ADGB: variants seen among roughly 807,000 people sequenced by gnomAD.
The protein encoded by ADGB is calpain-7-like protein.
In ADGB, 172 loss-of-function variants were observed where a neutral mutation model predicts 210.5. The ratio of observed to expected loss-of-function variants is 0.82; its 90% confidence interval spans 0.72 to 0.93. The LOEUF (loss-of-function observed/expected upper bound fraction) is 0.93, where lower values mean the gene tolerates loss of function less well. ADGB is among the 40% of genes least tolerant of loss of function. The pLI is 0.00. For missense variants in ADGB, 2,025 were observed against 1,964.8 expected, an observed-to-expected ratio of 1.03 and a Z score of -0.58; for synonymous variants, 658 against 662.7, an observed-to-expected ratio of 0.99 and a Z score of 0.11.
intron 16 of ADGB, among the ~76,000 whole-genome samples, chr6:146,718,530 G>A (rs1183721110): frequency 6.6e-6 from 1 of 152,042 alleles, no homozygotes; most frequent in Non-Finnish European, 1.5e-5. Context: ...GAACATTCCT[G>A]CCATGAGGTA....
chr6:146,779,106 G>T (rs191523913), intron 29 of ADGB, among the ~76,000 whole-genome samples: 25 of 150,294 alleles, frequency 1.7e-4, no homozygotes, highest in African/African-American at 5.6e-4. Context: ...ACATACTGGC[G>T]GATGCCAGAA....
intron 12 of ADGB, among the ~76,000 whole-genome samples, chr6:146,694,770 A>C (rs942498527): frequency 5.9e-5 from 9 of 152,166 alleles, no homozygotes; most frequent in African/African-American, 2.2e-4. Context: ...TGTGTAAAAA[A>C]ATACTGTGTA....
chr6:146,684,192 C>G (rs376358938), intron 9 of ADGB, among the ~76,000 whole-genome samples: 111 of 152,174 alleles, frequency 7.3e-4, no homozygotes, highest in Non-Finnish European at 1.4e-3. Flanking sequence ...AAGGTGTAGA[C>G]AGCCAACTGC....
chr6:146,726,171 C>G lies in ADGB; in HGVS notation c.2326C>G (p.His776Asp). Reference protein sequence around the residue: ...SMVSFVIGDEHVVLPNFEPES... With the variant: ...SMVSFVIGDEDVVLPNFEPES... ...GGTGTCATTTGTCATTGGGGATGAACACGTTGTACTGCCCAACTTTGAACC... is the reference window on the plus strand; with the variant it reads ...GGTGTCATTTGTCATTGGGGATGAAGACGTTGTACTGCCCAACTTTGAACC... Residue 776 changes from histidine to aspartate, a missense_variant, in exon 19 of 36, where the codon CAC becomes GAC. Transcript: ENST00000397944. 1 of 1,548,588 alleles carries G rather than the reference C, an allele frequency of 6.5e-7. No individual in the cohort carries two copies. The highest frequency in any genetic ancestry group is 8.7e-7 in the Non-Finnish European group (1 of 1,144,186).
At chr6:146,732,876 G>A (rs1402618224) in intron 20 of ADGB, among the ~76,000 whole-genome samples, 1 of 151,934 alleles carries the variant, frequency 6.6e-6, no homozygotes, top group African/African-American at 2.4e-5. Context: ...GTTTAATGCT[G>A]TATTTTCATT....
chr6:146,660,640 A>G (rs1775842165), intron 5 of ADGB, among the ~76,000 whole-genome samples: 1 of 152,166 alleles, frequency 6.6e-6, no homozygotes. Context: ...TGCTAATTTG[A>G]TATTGGTAAA....
chr6:146,743,027 T>C (rs1777181714), intron 25 of ADGB, among the ~76,000 whole-genome samples: 1 of 152,210 alleles, frequency 6.6e-6, no homozygotes, highest in Non-Finnish European at 1.5e-5. Context: ...CAGAATGCCT[T>C]GGGTTAAACC....
At chr6:146,705,372 C>A (rs115154936) in intron 13 of ADGB, among the ~76,000 whole-genome samples, 1 of 152,196 alleles carries the variant, frequency 6.6e-6, no homozygotes, top group African/African-American at 2.4e-5. Flanking sequence ...AGAAGTAAAG[C>A]TTTCAACTTT....
intron 1 of ADGB, among the ~76,000 whole-genome samples, chr6:146,631,365 G>A (rs1481268804): frequency 6.6e-6 from 1 of 152,072 alleles, no homozygotes; most frequent in Non-Finnish European, 1.5e-5. Context: ...GTCCTTATAG[G>A]ACTCAGACAG....
intron 33 of ADGB, among the ~76,000 whole-genome samples, chr6:146,796,347 C>A (rs1393750211): frequency 6.6e-6 from 1 of 151,994 alleles, no homozygotes; most frequent in East Asian, 1.9e-4. Flanking sequence ...AAAAACAATC[C>A]AAAAATTCAT....
chr6:146,629,271 G>A (rs770550086), intron 1 of ADGB, among the ~76,000 whole-genome samples: 1 of 152,186 alleles, frequency 6.6e-6, no homozygotes, highest in Non-Finnish European at 1.5e-5. Context: ...ACGGTGCTGA[G>A]AGTTTCAAAA....
intron 29 of ADGB, among the ~76,000 whole-genome samples, chr6:146,771,819 C>T (rs1777657113): frequency 6.6e-6 from 1 of 152,164 alleles, no homozygotes; most frequent in Non-Finnish European, 1.5e-5. Context: ...TTCACCAAAG[C>T]TATTCTCATT....
intron 32 of ADGB, among the ~76,000 whole-genome samples, chr6:146,786,882 G>C (rs976505147): frequency 9.2e-5 from 14 of 152,148 alleles, no homozygotes; most frequent in Admixed American, 6.5e-5. Context: ...CAAAAATAGG[G>C]GAAGTCTCCC....
chr6:146,654,338 A>C (rs1329290312), intron 4 of ADGB, 132 bp downstream of exon 4: 1 of 348,474 alleles, frequency 2.9e-6, no homozygotes, highest in East Asian at 5.7e-5. Context: ...ATATATATAT[A>C]ATACCAAAAA....
intron 33 of ADGB, among the ~76,000 whole-genome samples, chr6:146,792,732 G>C (rs1199244751): frequency 6.6e-6 from 1 of 152,146 alleles, no homozygotes. Flanking sequence ...TAAGAACAGG[G>C]AGGAAAGATA....
intron 6 of ADGB, 126 bp from the exon 7 acceptor site, chr6:146,666,690 T>C (rs1303157594): frequency 8.5e-6 from 4 of 468,504 alleles, no homozygotes; most frequent in Non-Finnish European, 1.5e-5. Context: ...TGGGATAGTA[T>C]TTTTTAATAC....
chr6:146,690,632 T>A (rs145055619), intron 10 of ADGB, among the ~76,000 whole-genome samples: 1 of 152,164 alleles, frequency 6.6e-6, no homozygotes, highest in South Asian at 2.1e-4. Context: ...GGGGATCTTA[T>A]GTGGAGGAAC....
At chr6:146,734,717 C>G (rs1249742309) in intron 22 of ADGB, among the ~76,000 whole-genome samples, 1 of 152,064 alleles carries the variant, frequency 6.6e-6, no homozygotes, top group Non-Finnish European at 1.5e-5. Context: ...CAACACCAGC[C>G]TGGGCAACAT....
chr6:146,779,040 C>G (rs1218466076), intron 29 of ADGB, among the ~76,000 whole-genome samples: 5 of 150,880 alleles, frequency 3.3e-5, no homozygotes, highest in African/African-American at 1.2e-4. Flanking sequence ...TTGTCCCATT[C>G]CTCAGCTCAG....
Sources: gnomAD v4.1 joint callset for allele counts (sites outside exome capture counted in the v4.1 genomes callset) on GRCh38, gnomAD v4.1.1 for gene constraint, MANE v1.5 for transcripts, NCBI Gene and HGNC (gene_info 2026-07-23, HGNC 2026-07-21) for gene names.